MB: variants seen among roughly 807,000 people sequenced by gnomAD.
MB encodes myoglobin.
Under a neutral mutation model 14.5 loss-of-function variants are expected in MB, and 10 were observed. That is an observed-to-expected ratio of 0.69 (90% CI 0.43 to 1.17). MB has a LOEUF of 1.17. Among genes scored for constraint, MB ranks in the 50% most tolerant of loss-of-function variants. The pLI is 0.00. For synonymous variants in MB, 89 were observed against 78.6 expected (o/e 1.13, Z -0.70); for missense variants, 169 against 192.7 (o/e 0.88, Z 0.73).
chr22:35,619,784 C>T (rs117876649), upstream of MB, among the ~76,000 whole-genome samples: 3,800 of 152,342 alleles, frequency 0.025, 114 homozygotes, highest in East Asian at 0.13. Context: ...GTGTGGGTCT[C>T]TAAAGCCTGG....
chr22:35,616,048 G>C (rs756084560), intron 1 of MB, among the ~76,000 whole-genome samples: 1 of 152,218 alleles, frequency 6.6e-6, no homozygotes, highest in Non-Finnish European at 1.5e-5. Flanking sequence ...GGACGACGGA[G>C]TGGAAGAGGA....
chr22:35,617,526 C>T, upstream of MB: 1 of 475,610 alleles, frequency 2.1e-6, no homozygotes, highest in South Asian at 2.7e-5. Context: ...GGCAGGACAG[C>T]TCAGGCCACA....
chr22:35,614,237 C>T (rs1274639452), intron 1 of MB, among the ~76,000 whole-genome samples: 1 of 152,150 alleles, frequency 6.6e-6, no homozygotes, highest in Non-Finnish European at 1.5e-5. Flanking sequence ...AGAACCAGAG[C>T]GTGGGTGGCA....
chr22:35,620,276 G>C (rs557836245), upstream of MB, among the ~76,000 whole-genome samples: 2 of 152,344 alleles, frequency 1.3e-5, no homozygotes, highest in African/African-American at 4.8e-5. Flanking sequence ...AGAGGTTGCA[G>C]TGAGCCGAGA....
chr22:35,622,343 G>C (rs1390584178), intron 1 of MB: 2 of 152,278 alleles, frequency 1.3e-5, no homozygotes, highest in Non-Finnish European at 2.9e-5. Flanking sequence ...TCAGAGCAGG[G>C]CTGAGGCCTG....
At chr22:35,607,473 C>T in intron 2 of MB, 30 bp from the exon 3 acceptor site, 1 of 1,607,784 alleles carries the variant, frequency 6.2e-7, no homozygotes. Flanking sequence ...AGAAAATGGT[C>T]ACCAGGGTGG....
intron 1 of MB, among the ~76,000 whole-genome samples, chr22:35,615,079 T>A (rs999425315): frequency 6.6e-6 from 1 of 152,236 alleles, no homozygotes; most frequent in Non-Finnish European, 1.5e-5. Context: ...TATGTTTGTG[T>A]ACGTGCAGTG....
chr22:35,607,387 A>C lies in MB; in HGVS notation c.375T>G (p.Gly125=). ...TGTTCATGGCCCCCTGGGCATCAGC[A>C]CCAAAGTCCCCGGGATGCTTGCTCT... ...VLQSKHPGDF[G]ADAQGAMNKA... Residue 125 remains glycine (G), a synonymous_variant, in exon 3 of 3, where the codon GGT becomes GGG. Coordinates refer to ENST00000397326, the MANE Select transcript of MB (RefSeq NM_005368.3). The C allele has an allele frequency of 3.7e-6, 6 of 1,614,132 alleles. No individual in the cohort carries two copies. Among genetic ancestry groups the C allele is most frequent in the Non-Finnish European group, 5.1e-6 (6 of 1,180,008 alleles).
intron 1 of MB, among the ~76,000 whole-genome samples, chr22:35,614,008 G>A (rs1240257857): frequency 3.3e-5 from 5 of 152,208 alleles, no homozygotes; most frequent in Admixed American, 1.3e-4. Flanking sequence ...GACGGAGGGC[G>A]TTTGCTCTAG....
rs1922205576 is a variant in MB, at chr22:35,607,241, C to A, written c.*56G>T. On this transcript the variant is annotated 3_prime_UTR_variant, in exon 3 of 3. Transcript: ENST00000397326. ...CTCTATATGGCTACACGAGATCAGA[C>A]CCCGCTCTCTCTTGAACCCGGGGCC... The A allele has an allele frequency of 1.9e-6, 3 of 1,568,406 alleles. No homozygotes were observed. Among genetic ancestry groups the A allele is most frequent in the South Asian group, 2.3e-5 (2 of 87,154 alleles).
chr22:35,609,925 C>T (rs45580034), intron 2 of MB, among the ~76,000 whole-genome samples: 1 of 152,186 alleles, frequency 6.6e-6, no homozygotes, highest in Non-Finnish European at 1.5e-5. Context: ...GAGCATTCCT[C>T]TCTTTCTCCT....
upstream of MB, among the ~76,000 whole-genome samples, chr22:35,620,108 G>A (rs1192426395): frequency 1.3e-5 from 2 of 152,192 alleles, no homozygotes; most frequent in Non-Finnish European, 2.9e-5. Flanking sequence ...GGCTGAGGTG[G>A]GTGGATCACA....
At chr22:35,609,356 A>G (rs553763296) in intron 2 of MB, among the ~76,000 whole-genome samples, 65 of 152,256 alleles carry the variant, frequency 4.3e-4, no homozygotes, top group African/African-American at 1.6e-3. Flanking sequence ...AGCAGGGGAG[A>G]TGGCTTCGCA....
chr22:35,610,229 G>A (rs1319347753), intron 2 of MB, among the ~76,000 whole-genome samples: 1 of 152,036 alleles, frequency 6.6e-6, no homozygotes, highest in Non-Finnish European at 1.5e-5. Context: ...CCAGGCTCCT[G>A]CCCCCAACCC....
chr22:35,617,113 CT>C, intron 1 of MB, 49 bp downstream of exon 1: 1 of 1,464,860 alleles, frequency 6.8e-7, no homozygotes, highest in Non-Finnish European at 9.6e-7. Flanking sequence ...GCTGAACACC[CT>C]TGATCTTAGG....
upstream of MB, among the ~76,000 whole-genome samples, chr22:35,618,009 C>CAT (rs1923210433): frequency 6.6e-6 from 1 of 152,198 alleles, no homozygotes; most frequent in Non-Finnish European, 1.5e-5. Flanking sequence ...TCCCAAAGGG[C>CAT]ATCCTATTTC....
At chr22:35,613,489 A>T (rs746077192) in intron 1 of MB, among the ~76,000 whole-genome samples, 4 of 152,102 alleles carry the variant, frequency 2.6e-5, no homozygotes, top group Non-Finnish European at 5.9e-5. Context: ...GAGAGAGCTC[A>T]TATTTACTTT....
rs1467422402 is a variant in MB at position 35,607,447 on chromosome 22, C to T, written c.319-4G>A. 1.9e-6 allele frequency: 3 copies of T among 1,612,890 alleles called. No individual in the cohort carries two copies. The African/African-American group carries it at 4.0e-5, about 22-fold the overall frequency. The stretch of plus-strand genomic sequence containing the variant: ...GGATGATGCATTCCGAGATGAACTG[C>T]AGGGAGGGTGAGGAGAGAAAATGGT... On this transcript the variant is annotated splice_polypyrimidine_tract_variant and splice_region_variant and intron_variant, in intron 2 of 2. Coordinates refer to ENST00000397326, the MANE Select transcript of MB (RefSeq NM_005368.3).
chr22:35,614,800 C>G (rs1354619402), intron 1 of MB, among the ~76,000 whole-genome samples: 1 of 152,096 alleles, frequency 6.6e-6, no homozygotes, highest in Non-Finnish European at 1.5e-5. Flanking sequence ...CCTGTGGCTG[C>G]CATTAACCGG....
Sources: gnomAD v4.1 joint callset for allele counts (sites outside exome capture counted in the v4.1 genomes callset) on GRCh38, gnomAD v4.1.1 for gene constraint, MANE v1.5 for transcripts, NCBI Gene and HGNC (gene_info 2026-07-23, HGNC 2026-07-21) for gene names.